The following AGBL1 variants were observed in gnomAD, a reference collection of about 807,000 sequenced individuals.
AGBL1 encodes AGBL carboxypeptidase 1, also known as cytosolic carboxypeptidase 4.
Under a neutral mutation model 118.9 loss-of-function variants are expected in AGBL1, and 130 were observed. The ratio of observed to expected loss-of-function variants is 1.09; its 90% CI spans 0.95 to 1.26. AGBL1 has a LOEUF of 1.26. Ranked by LOEUF, AGBL1 falls within the 50% of genes most tolerant of loss-of-function variation. AGBL1 has a pLI of 0.00. For missense variants in AGBL1, 1,584 were observed against 1,298.1 expected, an observed-to-expected ratio of 1.22 and a Z score of -3.38; for synonymous variants, 555 against 478.9, an observed-to-expected ratio of 1.16 and a Z score of -2.08.
At chr15:86,404,352 C>T (rs1027912315) in intron 18 of AGBL1, among the ~76,000 whole-genome samples, 2 of 152,176 alleles carry the variant, frequency 1.3e-5, no homozygotes, top group African/African-American at 2.4e-5. Context: ...TGGCTGCAAA[C>T]ACCTCAGCTG....
At chr15:86,152,739 T>A (rs2077130876) in intron 3 of AGBL1, among the ~76,000 whole-genome samples, 1 of 152,128 alleles carries the variant, frequency 6.6e-6, no homozygotes, top group Non-Finnish European at 1.5e-5. Context: ...TCCTACAGAA[T>A]GGGAGAAAAA....
intron 23 of AGBL1, among the ~76,000 whole-genome samples, chr15:86,953,898 T>C (rs2080904426): frequency 6.6e-6 from 1 of 152,206 alleles, no homozygotes; most frequent in South Asian, 2.1e-4. Context: ...CTCTTCCTAT[T>C]TGGATGCCTT....
At chr15:86,231,810 T>C (rs1013978362) in intron 6 of AGBL1, among the ~76,000 whole-genome samples, 1 of 152,230 alleles carries the variant, frequency 6.6e-6, no homozygotes, top group African/African-American at 2.4e-5. Flanking sequence ...AGGCTAGGTT[T>C]ATTTAGCCTA....
chr15:86,633,860 ATAATG>A (rs2085029388), intron 21 of AGBL1, among the ~76,000 whole-genome samples: 2 of 36,722 alleles, frequency 5.4e-5, no homozygotes, highest in Non-Finnish European at 8.7e-5. Context: ...ATATATATAT[ATAATG>A]TATATATATA....
intron 23 of AGBL1, among the ~76,000 whole-genome samples, chr15:86,974,015 T>C (rs1444884309): frequency 2.2e-5 from 3 of 136,884 alleles, no homozygotes; most frequent in African/African-American, 8.1e-5. Context: ...TAAACATATT[T>C]AATATATTAA....
At chr15:86,356,371 C>T (rs1431240720) in intron 17 of AGBL1, among the ~76,000 whole-genome samples, 4 of 151,814 alleles carry the variant, frequency 2.6e-5, no homozygotes, top group South Asian at 2.1e-4. Flanking sequence ...TGCGCCCGCA[C>T]GCACGCGCAT....
At chr15:86,350,895 G>A (rs536863095) in intron 17 of AGBL1, among the ~76,000 whole-genome samples, 104 of 152,270 alleles carry the variant, frequency 6.8e-4, no homozygotes, top group African/African-American at 2.2e-3. Context: ...GTGTTAATCC[G>A]TTGGAGAGTT....
At chr15:86,972,438 T>G (rs1269274983) in intron 23 of AGBL1, among the ~76,000 whole-genome samples, 1 of 152,042 alleles carries the variant, frequency 6.6e-6, no homozygotes. Context: ...TGATAAATGG[T>G]CTATTGCAGA....
At chr15:86,509,147 T>A (rs1447925951) in intron 18 of AGBL1, among the ~76,000 whole-genome samples, 4 of 152,252 alleles carry the variant, frequency 2.6e-5, no homozygotes, top group African/African-American at 7.2e-5. Flanking sequence ...GACACGCACA[T>A]ACACTTTTCA....
intron 16 of AGBL1, among the ~76,000 whole-genome samples, chr15:86,294,089 C>T (rs947409014): frequency 2.6e-5 from 4 of 151,992 alleles, no homozygotes; most frequent in East Asian, 1.9e-4. Context: ...AAAATTTCTT[C>T]GGAATTCTTA....
chr15:86,744,758 G>A (rs369858483), intron 22 of AGBL1, among the ~76,000 whole-genome samples: 4 of 152,112 alleles, frequency 2.6e-5, no homozygotes, highest in South Asian at 2.1e-4. Flanking sequence ...TGTCTCACTC[G>A]CTGTTATTTT....
chr15:86,552,042 A>G (rs1188508404), intron 20 of AGBL1, among the ~76,000 whole-genome samples: 1 of 152,180 alleles, frequency 6.6e-6, no homozygotes, highest in Non-Finnish European at 1.5e-5. Flanking sequence ...ACTTTGGATA[A>G]TACTGTAATA....
At chr15:86,766,663 A>G (rs930546556) in intron 22 of AGBL1, among the ~76,000 whole-genome samples, 2 of 151,786 alleles carry the variant, frequency 1.3e-5, no homozygotes, top group African/African-American at 4.8e-5. Context: ...TTCTTTTGTC[A>G]TATATTGATT....
intron 17 of AGBL1, among the ~76,000 whole-genome samples, chr15:86,365,035 A>AAG (rs1175891247): frequency 3.2e-5 from 3 of 92,618 alleles, no homozygotes. Context: ...ATACACACAC[A>AAG]TATATATACA....
At chr15:86,991,981 A>T (rs536197148) in intron 24 of AGBL1, among the ~76,000 whole-genome samples, 1 of 152,272 alleles carries the variant, frequency 6.6e-6, no homozygotes, top group South Asian at 2.1e-4. Context: ...GCTGTAAAGG[A>T]ATACCTGAGG....
intron 18 of AGBL1, among the ~76,000 whole-genome samples, chr15:86,428,834 G>T (rs964506018): frequency 3.3e-5 from 5 of 152,214 alleles, no homozygotes; most frequent in Non-Finnish European, 2.9e-5. Flanking sequence ...TGCTTTGTGA[G>T]TAAATAACTT....
At chr15:87,004,559 C>T (rs1179990569) in intron 24 of AGBL1, among the ~76,000 whole-genome samples, 1 of 152,120 alleles carries the variant, frequency 6.6e-6, no homozygotes, top group Non-Finnish European at 1.5e-5. Context: ...TCCTCCATCC[C>T]TTTATTTTGA....
At chr15:86,576,542 A>T (rs535413163) in intron 21 of AGBL1, among the ~76,000 whole-genome samples, 2 of 152,328 alleles carry the variant, frequency 1.3e-5, no homozygotes, top group East Asian at 3.9e-4. Flanking sequence ...CACAAGAGTA[A>T]GTTACAGTCT....
intron 1 of AGBL1, among the ~76,000 whole-genome samples, chr15:86,080,691 C>T (rs1895208495): frequency 6.6e-6 from 1 of 152,178 alleles, no homozygotes; most frequent in African/African-American, 2.4e-5. Flanking sequence ...TCAAAAAATA[C>T]TCATGCTTGG....
Sources: gnomAD v4.1 joint callset for allele counts (sites outside exome capture counted in the v4.1 genomes callset) on GRCh38, gnomAD v4.1.1 for gene constraint, MANE v1.5 for transcripts, NCBI Gene and HGNC (gene_info 2026-07-23, HGNC 2026-07-21) for gene names.